MST1R: variants seen among roughly 807,000 people sequenced by gnomAD.
MST1R encodes macrophage stimulating 1 receptor.
MST1R carries 99 observed loss-of-function variants against 117.8 expected under a neutral mutation model. The observed-to-expected ratio is 0.84, with a 90% CI of 0.71 to 0.99. The LOEUF is 0.99. Among genes scored for constraint, MST1R ranks in the 50% least tolerant of loss-of-function variants. MST1R has a pLI of 0.00. For missense variants in MST1R, 1,683 were observed against 1,840.2 expected, an observed-to-expected ratio of 0.91 and a Z score of 1.56; for synonymous variants, 734 against 765.3, an observed-to-expected ratio of 0.96 and a Z score of 0.68.
intron 19 of MST1R, among the ~76,000 whole-genome samples, chr3:49,887,786 G>A (rs966125956): frequency 1.3e-5 from 2 of 152,252 alleles, no homozygotes; most frequent in South Asian, 2.1e-4. Context: ...GGTGTTAAGA[G>A]CTTGGGCTCC....
chr3:49,895,654 G>T lies in MST1R; in HGVS notation c.2962+61C>A, dbSNP rs190791172. 3 of 1,611,786 alleles carry T rather than the reference G, an allele frequency of 1.9e-6. No homozygotes were observed. In the African/African-American group the frequency reaches 4.0e-5, roughly 21 times the overall value. ...GTCCTGGGCAGAGAGAGGATGTAGG[G>T]ACTTGAAGATGCCATTGGTTGGGGG... On this transcript the variant is annotated intron_variant, in intron 12 of 19. Coordinates refer to ENST00000296474, the MANE Select transcript of MST1R (RefSeq NM_002447.4).
chr3:49,889,809 C>A (rs1162439743), intron 19 of MST1R, 115 bp downstream of exon 19: 1 of 1,301,724 alleles, frequency 7.7e-7, no homozygotes, highest in Admixed American at 2.1e-5. Context: ...CAGCGAGAGT[C>A]CCTTTCCTAG....
Position 49,887,492 on chromosome 3 carries a change from C to A in MST1R, c.4018G>T (p.Glu1340Ter). ...AGTGCAGACACTATCTGCTCCACCT[C>A]CCCCACTAGTACTCTGAAGGTGGGT... ...VRPTFRVLVG[E>*]VEQIVSALLG... Residue 1340 changes from glutamate to a stop codon, truncating the protein, a stop_gained, in exon 20 of 20, where the codon GAG becomes TAG. Transcript: ENST00000296474. LOFTEE classifies it low-confidence loss of function (END_TRUNC). 1 of 1,614,208 alleles carries A rather than the reference C, an allele frequency of 6.2e-7. No individual in the cohort carries two copies. The highest frequency in any genetic ancestry group is 1.3e-5 in the African/African-American group (1 of 75,060).
Position 49,895,527 on chromosome 3 carries a change from T to C in MST1R, c.2984A>G (p.Asp995Gly). The C allele has an allele frequency of 6.2e-7, 1 of 1,614,022 alleles. No homozygotes were observed. Among genetic ancestry groups the C allele is most frequent in the Non-Finnish European group, 8.5e-7 (1 of 1,180,008 alleles). Reference sequence around the variant, plus strand: ...AGCAGTCTGGTCCAGGGATGCCAGGTCATTCAGGTTGGGAGGAAGAACTGT... The same window carrying C: ...AGCAGTCTGGTCCAGGGATGCCAGGCCATTCAGGTTGGGAGGAAGAACTGT... ...KQLVLPPNLNDLASLDQTAGA... is the reference protein window; with the variant it reads ...KQLVLPPNLNGLASLDQTAGA... The change falls in exon 13 of 20, where the codon GAC becomes GGC. Residue 995 changes from aspartate (D) to glycine (G), a missense_variant. Asp to Gly is a moderately conservative substitution (Grantham distance 94). Coordinates refer to ENST00000296474, the MANE Select transcript of MST1R (RefSeq NM_002447.4).
At chr3:49,892,668 TA>T (rs34713786) in intron 14 of MST1R, among the ~76,000 whole-genome samples, 64,045 of 135,146 alleles carry the variant, frequency 0.47, 14,439 homozygotes, top group Non-Finnish European at 0.52. Context: ...TTTTTTAAAT[TA>T]AAAAAAAAAA....
chr3:49,887,722 A>G (rs1174250269), intron 19 of MST1R, among the ~76,000 whole-genome samples, 160 bp from the exon 20 acceptor site: 2 of 152,248 alleles, frequency 1.3e-5, no homozygotes, highest in Non-Finnish European at 2.9e-5. Context: ...TCTCATCCCT[A>G]TGATTACTGT....
chr3:49,887,311 G>A lies in MST1R; in HGVS notation c.4199C>T (p.Thr1400Ile). The A allele has an allele frequency of 6.2e-7, 1 of 1,614,114 alleles. No individual in the cohort carries two copies. Residue 1400 changes from threonine to isoleucine, a missense_variant, in exon 20 of 20, where the codon ACT becomes ATT. Thr to Ile is a moderately conservative substitution (Grantham distance 89). Transcript: ENST00000296474. ...PRPLSEPPRP[T>I] ...AGGTCCAGCCCAAGAACTAAGTCAA[G>A]TGGGCCGAGGAGGCTCTGAGAGTGG...
rs753283268 is a variant in MST1R at position 49,896,717 on chromosome 3, G to A, written c.2345+12C>T. Reference sequence around the variant, plus strand: ...CCCCAGAGGCCAGAGTGGGCAAAGAGGCAGTGCTTACATGTAGCCACAGTT... The same window carrying A: ...CCCCAGAGGCCAGAGTGGGCAAAGAAGCAGTGCTTACATGTAGCCACAGTT... On this transcript the variant is annotated intron_variant, in intron 8 of 19. Coordinates refer to ENST00000296474, the MANE Select transcript of MST1R (RefSeq NM_002447.4). 2 of 1,602,520 alleles carry A rather than the reference G, an allele frequency of 1.2e-6. No homozygotes were observed. The highest frequency in any genetic ancestry group is 1.1e-5 in the South Asian group (1 of 89,418).
At chr3:49,893,342 G>T (rs188986506) in intron 14 of MST1R, among the ~76,000 whole-genome samples, 20 of 151,740 alleles carry the variant, frequency 1.3e-4, no homozygotes, top group African/African-American at 4.6e-4. Flanking sequence ...AGTGGCTCAC[G>T]CCTGTAATCC....
intron 19 of MST1R, among the ~76,000 whole-genome samples, chr3:49,889,553 C>A (rs909431321): frequency 6.6e-6 from 1 of 152,128 alleles, no homozygotes; most frequent in African/African-American, 2.4e-5. Context: ...AAAAACCTGA[C>A]CTGGAGATCC....
intron 6 of MST1R, 36 bp downstream of exon 6, chr3:49,897,484 C>T: frequency 6.2e-7 from 1 of 1,610,506 alleles, no homozygotes; most frequent in Non-Finnish European, 8.5e-7. Flanking sequence ...GTACCATGCA[C>T]TGGCCAAGGG....
chr3:49,891,536 G>T lies in MST1R; in HGVS notation c.3397C>A (p.Leu1133Met). The change falls in exon 16 of 20, where the codon CTG becomes ATG. Residue 1133 changes from leucine (L) to methionine (M), a missense_variant. Coordinates refer to ENST00000296474, the MANE Select transcript of MST1R (RefSeq NM_002447.4). ...GGGTGGTTCAGGCCACGCATGAGCA[G>T]CCCCTCTCGCAGGAAGGCCTCCACC... ...QQVEAFLREG[L>M]LMRGLNHPNV... 3 of 1,613,980 alleles carry T rather than the reference G, an allele frequency of 1.9e-6. No individual in the cohort carries two copies. Among genetic ancestry groups the T allele is most frequent in the Non-Finnish European group, 2.5e-6 (3 of 1,180,048 alleles).
rs979701660 is a variant in MST1R at position 49,895,832 on chromosome 3, C to G, written c.2845G>C (p.Gly949Arg). The G allele has an allele frequency of 4.3e-6, 7 of 1,613,526 alleles. No homozygotes were observed. The African/African-American group carries it at 8.0e-5, about 18-fold the overall frequency. Residue 949 changes from glycine (G) to arginine (R), a missense_variant, in exon 12 of 20, where the codon GGG becomes CGG. Physicochemically the swap from Gly to Arg is moderately radical, Grantham distance 125 (BLOSUM62 -2). Transcript: ENST00000296474. ...CHILGRVVRP[G>R]PDGVPQSTLL... Reference sequence around the variant, plus strand: ...GTGCTCTGTGGGACCCCATCTGGCCCTGGCCGCACCACTCTACCCAGGATA... The same window carrying G: ...GTGCTCTGTGGGACCCCATCTGGCCGTGGCCGCACCACTCTACCCAGGATA...
rs1203433559 is a variant in MST1R, at chr3:49,891,494, T to TC, written c.3438_3439insG (p.Ile1147AspfsTer8). On this transcript the variant is annotated frameshift_variant, in exon 16 of 20. Transcript: ENST00000296474. LOFTEE classifies it high-confidence loss of function. Reference sequence around the variant, plus strand: ...CCCTCAGGTGGCAACATGATACCAATGAGAGCCAGCACATTCGGGTGGTTC... The same window carrying TC: ...CCCTCAGGTGGCAACATGATACCAATCGAGAGCCAGCACATTCGGGTGGTTC... 6.2e-7 allele frequency: 1 copy of TC among 1,613,976 alleles called. No individual in the cohort carries two copies. Among genetic ancestry groups the TC allele is most frequent in the Non-Finnish European group, 8.5e-7 (1 of 1,180,024 alleles).
rs1268613480 is a variant in MST1R at position 49,898,671 on chromosome 3, G to C, written c.1566C>G (p.Ile522Met). 2 of 1,614,088 alleles carry C rather than the reference G, an allele frequency of 1.2e-6. No individual in the cohort carries two copies. The highest frequency in any genetic ancestry group is 2.2e-5 in the East Asian group (1 of 44,886). Residue 522 changes from isoleucine (I) to methionine (M), a missense_variant, in exon 4 of 20, where the codon ATC becomes ATG. By Grantham distance (10) the Ile-to-Met change is conservative. Transcript: ENST00000296474. The part of the protein sequence containing the change: ...ASGDQVFQVP[I>M]QGPGCRHFLT... ...GGAAGTGGCGGCAGCCAGGGCCTTG[G>C]ATAGGTACCTGGAAAACCTGTGGGT...
At chr3:49,898,776 G>A in intron 3 of MST1R, 88 bp from the exon 4 acceptor site, 3 of 1,604,904 alleles carry the variant, frequency 1.9e-6, no homozygotes, top group South Asian at 2.2e-5. Flanking sequence ...GGCTAGGGTG[G>A]TAGGGCCTGT....
chr3:49,895,136 T>C, intron 14 of MST1R, 31 bp downstream of exon 14: 3 of 1,612,258 alleles, frequency 1.9e-6, no homozygotes, highest in Non-Finnish European at 2.5e-6. Context: ...TGAGACTCCA[T>C]CTCTGCCCCA....
At chr3:49,887,765 G>C (rs755891032) in intron 19 of MST1R, among the ~76,000 whole-genome samples, 1 of 152,224 alleles carries the variant, frequency 6.6e-6, no homozygotes, top group East Asian at 1.9e-4. Flanking sequence ...GGCAGAGGTC[G>C]AACTACCTCA....
At chr3:49,900,851 C>T (rs1359385664) in intron 1 of MST1R, among the ~76,000 whole-genome samples, 1 of 152,224 alleles carries the variant, frequency 6.6e-6, no homozygotes, top group East Asian at 1.9e-4. Context: ...TGTCCAATGT[C>T]CCATGGAGGA....
Sources: allele counts gnomAD v4.1 joint callset (sites outside exome capture counted in the v4.1 genomes callset), GRCh38; gene constraint gnomAD v4.1.1; transcripts MANE v1.5; gene names NCBI Gene and HGNC (gene_info 2026-07-23, HGNC 2026-07-21).